TBXA2R: variants seen among roughly 807,000 people sequenced by gnomAD.
TBXA2R encodes prostanoid TP receptor.
In TBXA2R, 15 loss-of-function variants were observed where a neutral mutation model predicts 15.6. That is an observed-to-expected ratio of 0.96 (90% CI 0.64 to 1.48). TBXA2R has a LOEUF of 1.48. Ranked by LOEUF, TBXA2R falls within the 40% of genes most tolerant of loss-of-function variation. The pLI is 0.00. For synonymous variants in TBXA2R, 280 were observed against 241.2 expected (o/e 1.16, Z -1.49); for missense variants, 506 against 491.4 (o/e 1.03, Z -0.28).
At chr19:3,596,412 A>G (rs1348081708) in intron 2 of TBXA2R, among the ~76,000 whole-genome samples, 1 of 152,114 alleles carries the variant, frequency 6.6e-6, no homozygotes, top group Non-Finnish European at 1.5e-5. Context: ...GGGTTCATAA[A>G]TTAGCGCACT....
chr19:3,603,857 G>C lies in TBXA2R; in HGVS notation c.-84+2673C>G, dbSNP rs538174457. On this transcript the variant is annotated intron_variant, in intron 1 of 2. Coordinates refer to ENST00000375190, the MANE Select transcript of TBXA2R (RefSeq NM_001060.6). ...AGTTCTCCAGGCAAGGATGCCAATGGGGGGACCGGGCAGGGCCTCCCTTCC... is the reference window on the plus strand; with the variant it reads ...AGTTCTCCAGGCAAGGATGCCAATGCGGGGACCGGGCAGGGCCTCCCTTCC... Among the ~76,000 whole-genome samples the C allele has an allele frequency of 1.1e-3, 174 of 152,254 alleles. 3 individuals are homozygous for C. Among genetic ancestry groups the C allele is most frequent in the Non-Finnish European group, 2.2e-3 (147 of 68,018 alleles).
chr19:3,605,681 A>G (rs939172351), intron 1 of TBXA2R, among the ~76,000 whole-genome samples: 2 of 152,082 alleles, frequency 1.3e-5, no homozygotes, highest in Non-Finnish European at 2.9e-5. Flanking sequence ...AGACAGAAAC[A>G]CAGTAGACAG....
At chr19:3,602,690 C>T (rs140664260) in intron 1 of TBXA2R, among the ~76,000 whole-genome samples, 241 of 144,190 alleles carry the variant, frequency 1.7e-3, no homozygotes, top group Non-Finnish European at 2.5e-3. Flanking sequence ...GTTTGTGGGC[C>T]GGAAACAGGG....
Position 3,600,070 on chromosome 19 carries a change from C to A in TBXA2R, c.565G>T (p.Ala189Ser), listed in dbSNP as rs987854613. Residue 189 changes from alanine (A) to serine (S), a missense_variant, in exon 2 of 3, where the codon GCC becomes TCC. Physicochemically the swap from Ala to Ser is moderately conservative, Grantham distance 99. Coordinates refer to ENST00000375190, the MANE Select transcript of TBXA2R (RefSeq NM_001060.6). ...CCGAAGGCCACGTCCCCGGACTCGG[C>A]GCCCAGCGTCAGGAAGCACCAGGAC... is the stretch of plus-strand genomic sequence containing the variant. ...PGSWCFLTLG[A>S]ESGDVAFGLL... is the part of the protein sequence containing the mutation. 6.2e-7 allele frequency: 1 copy of A among 1,612,506 alleles called. No individual in the cohort carries two copies. Among genetic ancestry groups the A allele is most frequent in the Non-Finnish European group, 8.5e-7 (1 of 1,179,720 alleles).
chr19:3,601,720 A>G (rs886170606), intron 1 of TBXA2R, among the ~76,000 whole-genome samples: 8 of 152,022 alleles, frequency 5.3e-5, no homozygotes, highest in Admixed American at 2.6e-4. Flanking sequence ...TGAGGTCAGG[A>G]GTTCGAAACC....
intron 1 of TBXA2R, among the ~76,000 whole-genome samples, chr19:3,603,412 G>A (rs767620475): frequency 5.3e-5 from 8 of 152,294 alleles, no homozygotes; most frequent in East Asian, 3.9e-4. Flanking sequence ...GGGGTTCCTC[G>A]CGGCCTCTGG....
rs201792599 is a variant in TBXA2R at position 3,594,808 on chromosome 19, C to G, written c.*880G>C. The G allele has an allele frequency of 2.9e-5, 44 of 1,519,730 alleles. No individual in the cohort carries two copies. Among genetic ancestry groups the G allele is most frequent in the Non-Finnish European group, 3.8e-5 (43 of 1,134,898 alleles). The allele number at this position is 1,519,730 out of a possible 1,614,324, so 94.1% of individuals were successfully genotyped here. A position where few individuals can be genotyped will look rare whatever the true frequency, so the allele number is the denominator to read the frequency against. On this transcript the variant is annotated 3_prime_UTR_variant, in exon 3 of 3. Coordinates refer to ENST00000375190, the MANE Select transcript of TBXA2R (RefSeq NM_001060.6). ...AACCAAAGGCAGAGATATATTTTGG[C>G]AAGAAAAGGGGGTGCCCCCGTTCAC...
At position 3,600,531 on chromosome 19, in the gene TBXA2R, CAGA is replaced by C. The variant is rs578054833; in HGVS notation, c.101_103del (p.Phe34del). ...CAGGTTGGAGGCCAGGCCCACCACG[CAGA>C]AGGAGGCGGCGAACCAGGGCGAGGC... On this transcript the variant is annotated inframe_deletion, in exon 2 of 3. Coordinates refer to ENST00000375190, the MANE Select transcript of TBXA2R (RefSeq NM_001060.6). 4.3e-6 allele frequency: 7 copies of C among 1,612,042 alleles called. No individual in the cohort carries two copies. The South Asian group carries it at 4.4e-5, about 10-fold the overall frequency.
chr19:3,594,679 C>A lies in TBXA2R; in HGVS notation c.*1009G>T. 1.7e-6 allele frequency: 1 copy of A among 603,822 alleles called. No individual in the cohort carries two copies. Among genetic ancestry groups the A allele is most frequent in the Admixed American group, 3.0e-5 (1 of 32,846 alleles). The allele number at this position is 603,822 out of a possible 1,614,324, so 37.4% of individuals were successfully genotyped here. ...CAAGGTGGGGGAGGAACCGAATCCT[C>A]TATGTCCCTCCCCATCCTTCCCAGC... is the stretch of plus-strand genomic sequence containing the variant. On this transcript the variant is annotated 3_prime_UTR_variant, in exon 3 of 3. Transcript: ENST00000375190.
chr19:3,599,393 A>G (rs1287292661), intron 2 of TBXA2R, among the ~76,000 whole-genome samples: 12 of 150,440 alleles, frequency 8.0e-5, no homozygotes, highest in Admixed American at 8.0e-4. Context: ...GCAGTGGCGC[A>G]ATCTCTGCTC....
chr19:3,599,313 T>A (rs1404158860), intron 2 of TBXA2R, among the ~76,000 whole-genome samples: 1 of 135,660 alleles, frequency 7.4e-6, no homozygotes, highest in Non-Finnish European at 1.6e-5. Context: ...TGCCACCATG[T>A]CTGGCTAATT....
chr19:3,600,364 C>T lies in TBXA2R; in HGVS notation c.271G>A (p.Ala91Thr), dbSNP rs201725678. The T allele has an allele frequency of 5.6e-6, 9 of 1,613,388 alleles. No homozygotes were observed. Among genetic ancestry groups the T allele is most frequent in the Non-Finnish European group, 7.6e-6 (9 of 1,179,808 alleles). The change falls in exon 2 of 3, where the codon GCG (alanine) becomes ACG (threonine). Residue 91 changes from alanine to threonine, a missense_variant. By Grantham distance (58) the Ala-to-Thr change is moderately conservative. Transcript: ENST00000375190. ...TCCACGGCGTGCCACTCGAAGAGCG[C>T]GGCGTGCTGGGACACCACGATGGTA... ...TGTIVVSQHA[A>T]LFEWHAVDPG...
intron 1 of TBXA2R, among the ~76,000 whole-genome samples, chr19:3,601,910 G>C (rs2032745232): frequency 6.6e-6 from 1 of 151,008 alleles, no homozygotes; most frequent in Non-Finnish European, 1.5e-5. Flanking sequence ...CTGGACAACA[G>C]AGCGAGACTC....
chr19:3,603,709 C>T (rs1368880514), intron 1 of TBXA2R, among the ~76,000 whole-genome samples: 2 of 152,206 alleles, frequency 1.3e-5, no homozygotes, highest in Admixed American at 6.5e-5. Flanking sequence ...AAATGCATGG[C>T]CCAGAGCCCT....
Position 3,595,432 on chromosome 19 carries a change from G to C in TBXA2R, c.*256C>G. 2.1e-6 allele frequency: 3 copies of C among 1,407,476 alleles called. No homozygotes were observed. Among genetic ancestry groups the C allele is most frequent in the Non-Finnish European group, 2.8e-6 (3 of 1,085,842 alleles). 87.2% of individuals were successfully genotyped at this position (1,407,476 alleles called of 1,614,324 possible). ...TTCCAATGTCTGCATGCCCTTCCTG[G>C]GGTTGGGAGGGACGCAGAGAAGGGG... On this transcript the variant is annotated 3_prime_UTR_variant, in exon 3 of 3. Coordinates refer to ENST00000375190, the MANE Select transcript of TBXA2R (RefSeq NM_001060.6).
At chr19:3,597,629 TTAAAA>T (rs1056876276) in intron 2 of TBXA2R, among the ~76,000 whole-genome samples, 1 of 151,620 alleles carries the variant, frequency 6.6e-6, no homozygotes, top group African/African-American at 2.4e-5. Flanking sequence ...AAACTCCATC[TTAAAA>T]TAAAATAAAA....
intron 2 of TBXA2R, among the ~76,000 whole-genome samples, chr19:3,599,180 G>C (rs145025703): frequency 0.024 from 3,562 of 150,494 alleles, 72 homozygotes; most frequent in Middle Eastern, 0.042. Flanking sequence ...TTGGAGGCAG[G>C]GTCTCACTCT....
chr19:3,595,275 A>T lies in TBXA2R; in HGVS notation c.*413T>A. On this transcript the variant is annotated 3_prime_UTR_variant, in exon 3 of 3. Transcript: ENST00000375190. ...GCGCCTATAGTCCCAGCTACTCAGGAGGCTGAGGCAGGAGAATCGCTTGAA... is the reference window on the plus strand; with the variant it reads ...GCGCCTATAGTCCCAGCTACTCAGGTGGCTGAGGCAGGAGAATCGCTTGAA... 1 of 1,035,752 alleles carries T rather than the reference A, an allele frequency of 9.7e-7. No homozygotes were observed. Among genetic ancestry groups the T allele is most frequent in the Non-Finnish European group, 1.3e-6 (1 of 778,764 alleles). 64.2% of individuals were successfully genotyped at this position (1,035,752 alleles called of 1,614,324 possible).
chr19:3,604,598 C>A (rs1203177297), intron 1 of TBXA2R, among the ~76,000 whole-genome samples: 1 of 152,226 alleles, frequency 6.6e-6, no homozygotes, highest in Non-Finnish European at 1.5e-5. Flanking sequence ...GCCCACCCCA[C>A]CTCCCCCAGA....
Sources: gnomAD v4.1 joint callset for allele counts (sites outside exome capture counted in the v4.1 genomes callset) on GRCh38, gnomAD v4.1.1 for gene constraint, MANE v1.5 for transcripts, NCBI Gene and HGNC (gene_info 2026-07-23, HGNC 2026-07-21) for gene names.